SMARCA2: variants seen among roughly 807,000 people sequenced by gnomAD.
SMARCA2 encodes SWI/SNF-related matrix-associated actin-dependent regulator of chromatin subfamily A member 2.
Under a neutral mutation model 199.8 loss-of-function variants are expected in SMARCA2, and 61 were observed. That is an observed-to-expected ratio of 0.31 (90% CI 0.25 to 0.38). The LOEUF is 0.38. SMARCA2 is among the 10% of genes least tolerant of loss of function. SMARCA2 has a pLI of 1.00. For synonymous variants in SMARCA2, 935 were observed against 732.0 expected, an observed-to-expected ratio of 1.28 and a Z score of -4.48; for missense variants, 1,344 against 2,012.2, an observed-to-expected ratio of 0.67 and a Z score of 6.35.
chr9:2,066,188 A>G (rs570419400), intron 9 of SMARCA2, among the ~76,000 whole-genome samples: 1 of 152,350 alleles, frequency 6.6e-6, no homozygotes, highest in African/African-American at 2.4e-5. Context: ...ATATTATAAT[A>G]ACACCCACTG....
intron 28 of SMARCA2, among the ~76,000 whole-genome samples, chr9:2,163,867 G>A (rs1256137076): frequency 1.3e-5 from 2 of 152,084 alleles, no homozygotes; most frequent in East Asian, 3.9e-4. Context: ...ATGACATACT[G>A]CCAACAGATT....
chr9:2,094,147 A>T (rs538284207), intron 19 of SMARCA2, among the ~76,000 whole-genome samples: 2 of 152,222 alleles, frequency 1.3e-5, no homozygotes, highest in African/African-American at 4.8e-5. Flanking sequence ...GTACAAAAAC[A>T]AACCAAGTGG....
intron 27 of SMARCA2, among the ~76,000 whole-genome samples, chr9:2,129,757 A>G (rs548815103): frequency 6.6e-6 from 1 of 152,292 alleles, no homozygotes; most frequent in African/African-American, 2.4e-5. Context: ...TTAGGGGCCT[A>G]TCACACATGA....
Position 2,046,464 on chromosome 9 carries a change from CAAT to C in SMARCA2, c.791-764_791-762del, listed in dbSNP as rs201475207. ...GAATGAGCAGATTTTTTTTGGCTAA[CAAT>C]GAATGTTTTAAGAAGTGTTTTCTAA... is the stretch of plus-strand genomic sequence containing the variant. On this transcript the variant is annotated intron_variant, in intron 4 of 33. Coordinates refer to ENST00000349721, the MANE Select transcript of SMARCA2 (RefSeq NM_003070.5). 8.4e-3 allele frequency among the ~76,000 whole-genome samples: 1,284 copies of C among 152,188 alleles called. 17 individuals carry two copies. The highest frequency in any genetic ancestry group is 0.029 in the African/African-American group (1,188 of 41,548).
chr9:2,123,948 CT>C lies in SMARCA2; in HGVS notation c.3981+15del. On this transcript the variant is annotated intron_variant, in intron 27 of 33. Coordinates refer to ENST00000349721, the MANE Select transcript of SMARCA2 (RefSeq NM_003070.5). This position sits in a 1 kb window ranked among gnomAD's most constrained non-coding sequence, Gnocchi z 4.1. ...AAGCAGTGGCTAAGGGTAAGCCTAG[CT>C]TTTCTAACCCGCTCTCACTAGGTGG... 1 of 1,550,710 alleles carries C rather than the reference CT, an allele frequency of 6.4e-7. No individual in the cohort carries two copies. The highest frequency in any genetic ancestry group is 8.7e-7 in the Non-Finnish European group (1 of 1,145,588).
intron 32 of SMARCA2, among the ~76,000 whole-genome samples, chr9:2,188,050 G>A (rs956748531): frequency 6.6e-6 from 1 of 152,092 alleles, no homozygotes; most frequent in Admixed American, 6.6e-5. Context: ...TATATTAAAA[G>A]TATAGACATG....
intron 24 of SMARCA2, among the ~76,000 whole-genome samples, chr9:2,111,256 G>T (rs1014996997): frequency 6.6e-6 from 1 of 151,900 alleles, no homozygotes; most frequent in Non-Finnish European, 1.5e-5. Flanking sequence ...GGAGGTTGAG[G>T]CAGGAGGATT....
rs1375009012 is a variant in SMARCA2 at position 2,056,983 on chromosome 9, G to A, written c.1347+138G>A. ...ACAGAACAGAACGGTTCCTTGACATGTACATAATCCAACCACATCATTTTA... is the reference window on the plus strand; with the variant it reads ...ACAGAACAGAACGGTTCCTTGACATATACATAATCCAACCACATCATTTTA... On this transcript the variant is annotated intron_variant, in intron 7 of 33. Transcript: ENST00000349721. This position sits in a 1 kb window ranked among gnomAD's most constrained non-coding sequence, Gnocchi z 4.0. 5.6e-6 allele frequency: 4 copies of A among 710,876 alleles called. No individual in the cohort carries two copies. Among genetic ancestry groups the A allele is most frequent in the Non-Finnish European group, 9.2e-6 (4 of 434,630 alleles). 44.0% of individuals were successfully genotyped at this position (710,876 alleles called of 1,614,324 possible). A position where few individuals can be genotyped will look rare whatever the true frequency, so the allele number is the denominator to read the frequency against.
At chr9:2,137,036 A>G (rs943909021) in intron 27 of SMARCA2, among the ~76,000 whole-genome samples, 1 of 152,168 alleles carries the variant, frequency 6.6e-6, no homozygotes, top group Non-Finnish European at 1.5e-5. Context: ...TACTGCTAGG[A>G]GACTCAAGCC....
chr9:2,073,653 T>C, intron 12 of SMARCA2, 30 bp downstream of exon 12: 1 of 1,544,712 alleles, frequency 6.5e-7, no homozygotes, highest in Non-Finnish European at 8.9e-7. Context: ...TGGGGTTTAT[T>C]GGTTTGAAAG....
intron 24 of SMARCA2, among the ~76,000 whole-genome samples, chr9:2,112,008 A>T (rs1047813834): frequency 4.6e-5 from 7 of 152,262 alleles, no homozygotes; most frequent in African/African-American, 1.7e-4. Flanking sequence ...TTCAGGAAAT[A>T]TGGTTACGTA....
intron 5 of SMARCA2, among the ~76,000 whole-genome samples, chr9:2,050,871 T>A (rs1250922641): frequency 6.6e-6 from 1 of 152,252 alleles, no homozygotes; most frequent in Non-Finnish European, 1.5e-5. Context: ...TTAATGCAAC[T>A]CTTTTTCTTG....
At chr9:2,121,654 A>G (rs563443668) in intron 26 of SMARCA2, among the ~76,000 whole-genome samples, 1 of 152,336 alleles carries the variant, frequency 6.6e-6, no homozygotes, top group Non-Finnish European at 1.5e-5. Context: ...CAAACTTATT[A>G]TTTGATTTTG....
At position 2,039,424 on chromosome 9, in the gene SMARCA2, T is replaced by C. The variant is rs1440527639; in HGVS notation, c.356-42T>C. 6.3e-7 allele frequency: 1 copy of C among 1,584,470 alleles called. No individual in the cohort carries two copies. The highest frequency in any genetic ancestry group is 1.1e-5 in the South Asian group (1 of 87,214). Reference sequence around the variant, plus strand: ...TTCAGGGATATCTCTCTTTCAGGGTTGTCAGGGGCAGCCTGTGATTTCCTT... The same window carrying C: ...TTCAGGGATATCTCTCTTTCAGGGTCGTCAGGGGCAGCCTGTGATTTCCTT... On this transcript the variant is annotated intron_variant, in intron 3 of 33. Transcript: ENST00000349721. The surrounding 1 kb of genome is among the most constrained non-coding windows in gnomAD (Gnocchi z 4.8).
intron 28 of SMARCA2, among the ~76,000 whole-genome samples, chr9:2,166,580 A>C (rs1367120180): frequency 6.6e-6 from 1 of 152,172 alleles, no homozygotes; most frequent in Non-Finnish European, 1.5e-5. Context: ...TCATCCTTGC[A>C]TGATGCTGTA....
At chr9:2,051,385 G>A (rs1820110780) in intron 5 of SMARCA2, among the ~76,000 whole-genome samples, 1 of 152,060 alleles carries the variant, frequency 6.6e-6, no homozygotes, top group Admixed American at 6.6e-5. Context: ...AGGGAGAGGT[G>A]CACCCCCCTC....
chr9:2,181,401 AG>A lies in SMARCA2; in HGVS notation c.4254-167del, dbSNP rs1827013485. On this transcript the variant is annotated intron_variant, in intron 29 of 33. Transcript: ENST00000349721. ...TTACTGTGATCTTAAAATTATCACA[AG>A]GGACATCAATCTCCAATAGAGTTGT... The A allele has an allele frequency of 5.5e-6, 3 of 545,478 alleles. No individual in the cohort carries two copies. In the East Asian group the frequency reaches 1.0e-4, roughly 19 times the overall value. 33.8% of individuals were successfully genotyped at this position (545,478 alleles called of 1,614,324 possible). A position where few individuals can be genotyped will look rare whatever the true frequency, so the allele number is the denominator to read the frequency against.
At position 2,160,704 on chromosome 9, in the gene SMARCA2, G is replaced by A. The variant is rs541892285; in HGVS notation, c.3982-982G>A. On this transcript the variant is annotated intron_variant, in intron 27 of 33. Transcript: ENST00000349721. ...TACTGGAGGCAATATTGAGAGGCAG[G>A]AGGAACAAATAACAACATTAGTTAT... The A allele has an allele frequency of 3.8e-4, 244 of 645,178 alleles. 2 individuals carry two copies. The East Asian group carries it at 5.6e-3, about 15-fold the overall frequency. The allele number at this position is 645,178 out of a possible 1,614,324, so 40.0% of individuals were successfully genotyped here.
chr9:2,182,456 A>G (rs1033163985), intron 31 of SMARCA2, among the ~76,000 whole-genome samples: 7 of 137,966 alleles, frequency 5.1e-5, no homozygotes, highest in Non-Finnish European at 7.7e-5. Context: ...GCCTACTCAC[A>G]CTTCTTTTCA....
Sources: allele counts gnomAD v4.1 joint callset (sites outside exome capture counted in the v4.1 genomes callset), GRCh38; gene constraint gnomAD v4.1.1; non-coding constraint Gnocchi (gnomAD v3.1); transcripts MANE v1.5; gene names NCBI Gene and HGNC (gene_info 2026-07-23, HGNC 2026-07-21).